The following NAV2 variants were observed in gnomAD, a reference collection of about 807,000 sequenced individuals.
NAV2 encodes helicase, APC down-regulated 1.
NAV2 carries 54 observed loss-of-function variants against 223.2 expected under a neutral mutation model. That is an observed-to-expected ratio of 0.24 (90% confidence interval 0.19 to 0.30). The LOEUF (loss-of-function observed/expected upper bound fraction) is 0.30, where lower values mean the gene tolerates loss of function less well. Among genes scored for constraint, NAV2 ranks in the 10% least tolerant of loss-of-function variants. The pLI, the probability that NAV2 is intolerant of heterozygous loss-of-function variation, is 1.00. For missense variants in NAV2, 2,806 were observed against 3,147.5 expected, an observed-to-expected ratio of 0.89 and a Z score of 2.60; for synonymous variants, 1,279 against 1,239.3, an observed-to-expected ratio of 1.03 and a Z score of -0.67.
chr11:19,483,791 T>C (rs1489531900), intron 1 of NAV2, among the ~76,000 whole-genome samples: 1 of 152,088 alleles, frequency 6.6e-6, no homozygotes, highest in Non-Finnish European at 1.5e-5. Flanking sequence ...AGGCAACCAC[T>C]GGGGGTCTAG....
At chr11:19,688,736 A>G (rs1186278976) in intron 1 of NAV2, among the ~76,000 whole-genome samples, 3 of 152,194 alleles carry the variant, frequency 2.0e-5, no homozygotes. Flanking sequence ...ACAAAGGAGT[A>G]ATCAAAGTAT....
chr11:20,096,208 CTT>C (rs1394852286), intron 30 of NAV2, among the ~76,000 whole-genome samples: 2 of 152,176 alleles, frequency 1.3e-5, no homozygotes, highest in African/African-American at 2.4e-5. Flanking sequence ...ACTTCAGAGT[CTT>C]TGATTTGTTT....
intron 10 of NAV2, among the ~76,000 whole-genome samples, chr11:19,965,192 C>T (rs1289498178): frequency 9.5e-5 from 14 of 147,126 alleles, no homozygotes; most frequent in Non-Finnish European, 2.0e-4. Context: ...TTTGGGGGGG[C>T]GGGGCCACTG....
chr11:19,523,909 G>T (rs2043758609), intron 1 of NAV2, among the ~76,000 whole-genome samples: 1 of 152,126 alleles, frequency 6.6e-6, no homozygotes, highest in Admixed American at 6.5e-5. Context: ...TGTTTATAAT[G>T]CCTTCCTTCA....
chr11:19,777,418 T>C (rs1320154885), intron 1 of NAV2: 188 of 432,980 alleles, frequency 4.3e-4, no homozygotes, highest in Admixed American at 4.1e-3. Context: ...TTTTTTTTTT[T>C]CCCCTCCTCC....
At chr11:19,846,205 T>C (rs1048881149) in intron 3 of NAV2, among the ~76,000 whole-genome samples, 1 of 152,232 alleles carries the variant, frequency 6.6e-6, no homozygotes, top group African/African-American at 2.4e-5. Context: ...ATGGGTTTAC[T>C]TGAGGAAATC....
chr11:19,773,959 TAG>T (rs2055920830), intron 1 of NAV2, among the ~76,000 whole-genome samples: 1 of 152,194 alleles, frequency 6.6e-6, no homozygotes, highest in Non-Finnish European at 1.5e-5. Flanking sequence ...GAATTAAGAA[TAG>T]AGTGTCCTTT....
At chr11:20,086,178 G>A (rs2060433789) in intron 26 of NAV2, among the ~76,000 whole-genome samples, 1 of 152,210 alleles carries the variant, frequency 6.6e-6, no homozygotes. Flanking sequence ...GGTGGGTGTG[G>A]TGGAGTTTGA....
chr11:19,497,747 C>T (rs1590337586), intron 1 of NAV2, among the ~76,000 whole-genome samples: 1 of 150,530 alleles, frequency 6.6e-6, no homozygotes, highest in Admixed American at 6.6e-5. Context: ...AAATGGAATT[C>T]CCTTTTGGAG....
At chr11:19,786,151 A>G (rs965999065) in intron 1 of NAV2, among the ~76,000 whole-genome samples, 5 of 152,246 alleles carry the variant, frequency 3.3e-5, no homozygotes, top group African/African-American at 1.2e-4. Flanking sequence ...TTAATGTACA[A>G]TTGAAATAGA....
At chr11:19,351,033 T>C (rs1176971059) in intron 1 of NAV2, 1 of 1,549,190 alleles carries the variant, frequency 6.5e-7, no homozygotes. Context: ...AGAGGGTAAG[T>C]GGCAGAACTT....
At chr11:19,587,782 A>G (rs1323001172) in intron 1 of NAV2, among the ~76,000 whole-genome samples, 1 of 152,212 alleles carries the variant, frequency 6.6e-6, no homozygotes, top group Admixed American at 6.5e-5. Flanking sequence ...AAGCTTCTAT[A>G]ACAAGAAGGT....
In NAV2 at chr11:19,713,855, A is replaced by T; in HGVS notation, c.160A>T (p.Ser54Cys). The change falls in exon 1 of 38, where the codon AGC (serine) becomes TGC (cysteine). Residue 54 changes from serine (S) to cysteine (C), a missense_variant. Physicochemically the swap from Ser to Cys is moderately radical, Grantham distance 112. Transcript: ENST00000349880. The surrounding 1 kb of genome is among the most constrained non-coding windows in gnomAD (Gnocchi z 7.2). ...GGAGGTGAGCAAGACCACCTATCCTAGCCAGATCCCCCTGAAATCGCAGGT... is the reference window on the plus strand; with the variant it reads ...GGAGGTGAGCAAGACCACCTATCCTTGCCAGATCCCCCTGAAATCGCAGGT... ...KVEVSKTTYPSQIPLKSQVLQ... is the reference protein window; with the variant it reads ...KVEVSKTTYPCQIPLKSQVLQ... 1.2e-6 allele frequency: 2 copies of T among 1,613,648 alleles called. No individual in the cohort carries two copies. The highest frequency in any genetic ancestry group is 1.7e-6 in the Non-Finnish European group (2 of 1,179,918).
chr11:20,035,863 G>A, intron 11 of NAV2, 96 bp from the exon 12 acceptor site: 1 of 1,448,538 alleles, frequency 6.9e-7, no homozygotes. Context: ...GCACAGATTG[G>A]ATCTTTTCGG....
At chr11:19,884,223 G>A (rs1269129447) in intron 5 of NAV2, 1 of 1,152,034 alleles carries the variant, frequency 8.7e-7, no homozygotes, top group Non-Finnish European at 1.3e-6. Context: ...AAGACTCTTA[G>A]GATTTGTGTG....
intron 1 of NAV2, among the ~76,000 whole-genome samples, chr11:19,588,564 G>A (rs1056371119): frequency 1.2e-4 from 18 of 152,188 alleles, no homozygotes; most frequent in African/African-American, 4.3e-4. Context: ...TCAAGTCTAA[G>A]ATCCTCATAT....
At chr11:20,065,493 G>A (rs531016138) in intron 20 of NAV2, among the ~76,000 whole-genome samples, 34 of 152,344 alleles carry the variant, frequency 2.2e-4, no homozygotes, top group African/African-American at 8.2e-4. Context: ...AATCTCAAAG[G>A]CCACTTCTGG....
At chr11:19,384,736 A>T (rs1219718389) in intron 1 of NAV2, 1 of 152,220 alleles carries the variant, frequency 6.6e-6, no homozygotes, top group East Asian at 1.9e-4. Flanking sequence ...TGAAAACTGG[A>T]AACTCGCAGC....
At chr11:19,489,946 G>A (rs901204125) in intron 1 of NAV2, among the ~76,000 whole-genome samples, 2 of 152,130 alleles carry the variant, frequency 1.3e-5, no homozygotes, top group African/African-American at 4.8e-5. Flanking sequence ...GGCATACATT[G>A]GAGATATCGC....
Sources: allele counts gnomAD v4.1 joint callset (sites outside exome capture counted in the v4.1 genomes callset), GRCh38; gene constraint gnomAD v4.1.1; non-coding constraint Gnocchi (gnomAD v3.1); transcripts MANE v1.5; gene names NCBI Gene and HGNC (gene_info 2026-07-23, HGNC 2026-07-21).